Variants in SEC24B observed in about 807,000 individuals in gnomAD.
The protein encoded by SEC24B is SEC24 homolog B, COPII component.
A neutral mutation model predicts 142.8 loss-of-function variants in SEC24B; 45 were observed. The observed-to-expected ratio is 0.32, with a 90% CI of 0.25 to 0.40. The LOEUF (loss-of-function observed/expected upper bound fraction) is 0.40, where lower values mean the gene tolerates loss of function less well. SEC24B is among the 10% of genes least tolerant of loss of function. The pLI is 1.00. For missense variants in SEC24B, 1,409 were observed against 1,526.8 expected, an observed-to-expected ratio of 0.92 and a Z score of 1.29; for synonymous variants, 574 against 568.2, an observed-to-expected ratio of 1.01 and a Z score of -0.15.
chr4:109,477,300 C>A (rs1409852344), intron 3 of SEC24B, among the ~76,000 whole-genome samples: 1 of 151,868 alleles, frequency 6.6e-6, no homozygotes, highest in Non-Finnish European at 1.5e-5. Context: ...ATATAGCTTA[C>A]CATACTTTTT....
Position 109,524,799 on chromosome 4 carries a change from A to C in SEC24B, c.2509-19A>C. ...AGCATAAAGATTGCTAGCTCTTACT[A>C]TATGATCTGTTGACTTAGGTGGTAC... On this transcript the variant is annotated intron_variant, in intron 14 of 23. Coordinates refer to ENST00000265175, the MANE Select transcript of SEC24B (RefSeq NM_006323.5). The C allele has an allele frequency of 6.2e-7, 1 of 1,601,696 alleles. No homozygotes were observed. The highest frequency in any genetic ancestry group is 8.5e-7 in the Non-Finnish European group (1 of 1,174,714).
intron 3 of SEC24B, among the ~76,000 whole-genome samples, chr4:109,475,424 AG>A: frequency 6.6e-6 from 1 of 152,308 alleles, no homozygotes; most frequent in South Asian, 2.1e-4. Flanking sequence ...ACTTAAAAAG[AG>A]ATTAGCTTTT....
At chr4:109,523,073 C>G (rs1381759552) in intron 14 of SEC24B, among the ~76,000 whole-genome samples, 1 of 151,996 alleles carries the variant, frequency 6.6e-6, no homozygotes, top group Non-Finnish European at 1.5e-5. Flanking sequence ...TGTGGTAGCA[C>G]CTGCCTGTTA....
At chr4:109,535,788 C>T (rs1425991304) in intron 22 of SEC24B, among the ~76,000 whole-genome samples, 1 of 151,982 alleles carries the variant, frequency 6.6e-6, no homozygotes, top group East Asian at 1.9e-4. Flanking sequence ...GGAGGCGGAG[C>T]TTGCAGTGAG....
intron 14 of SEC24B, among the ~76,000 whole-genome samples, chr4:109,521,952 C>G (rs950505654): frequency 1.3e-5 from 2 of 151,836 alleles, no homozygotes; most frequent in Non-Finnish European, 2.9e-5. Context: ...AGGCTGGTCT[C>G]GAACTCCTGG....
intron 4 of SEC24B, among the ~76,000 whole-genome samples, chr4:109,483,003 C>CACACACACACATATACACACACACAT (rs1408633373): frequency 8.3e-5 from 7 of 84,080 alleles, no homozygotes; most frequent in African/African-American, 5.7e-4. Flanking sequence ...CACACACACA[C>CACACACACACATATACACACACACAT]ATATTATACA....
chr4:109,469,386 T>C (rs1467964198), intron 2 of SEC24B, among the ~76,000 whole-genome samples: 1 of 152,166 alleles, frequency 6.6e-6, no homozygotes, highest in Admixed American at 6.5e-5. Context: ...TGTTGGGAGA[T>C]AAAATAGTGA....
chr4:109,512,425 A>G (rs1341799989), intron 9 of SEC24B, among the ~76,000 whole-genome samples: 3 of 152,174 alleles, frequency 2.0e-5, no homozygotes, highest in Admixed American at 6.5e-5. Flanking sequence ...GAACTTTGCC[A>G]GTGTATCTGG....
chr4:109,508,524 A>T (rs1736964901), intron 7 of SEC24B, among the ~76,000 whole-genome samples: 1 of 152,102 alleles, frequency 6.6e-6, no homozygotes, highest in African/African-American at 2.4e-5. Context: ...CCAAGATCAT[A>T]ACACTGTACT....
At chr4:109,449,269 G>T in intron 1 of SEC24B, 1 of 310,690 alleles carries the variant, frequency 3.2e-6, no homozygotes, top group Non-Finnish European at 6.4e-6. Flanking sequence ...TGTCACCTGG[G>T]TTGGAGTATA....
At chr4:109,524,793 C>T (rs772005542) in intron 14 of SEC24B, 25 bp from the exon 15 acceptor site, 11 of 1,590,448 alleles carry the variant, frequency 6.9e-6, no homozygotes, top group Non-Finnish European at 9.4e-6. Flanking sequence ...ATTGCTAGCT[C>T]TTACTATATG....
intron 16 of SEC24B, 36 bp downstream of exon 16, chr4:109,525,540 A>C: frequency 6.9e-7 from 1 of 1,443,922 alleles, no homozygotes; most frequent in Non-Finnish European, 9.4e-7. Context: ...TATATTAAAT[A>C]CTTGTATCAA....
chr4:109,487,601 A>G (rs1432544221), intron 4 of SEC24B, among the ~76,000 whole-genome samples: 2 of 152,236 alleles, frequency 1.3e-5, no homozygotes, highest in Non-Finnish European at 2.9e-5. Context: ...TCAATCAGGT[A>G]CTGTTTTATA....
At chr4:109,501,873 G>T (rs1178621864) in intron 6 of SEC24B, among the ~76,000 whole-genome samples, 1 of 152,248 alleles carries the variant, frequency 6.6e-6, no homozygotes, top group Non-Finnish European at 1.5e-5. Flanking sequence ...ACGAGAGGAG[G>T]CTCAGTGAAC....
At chr4:109,452,482 T>A (rs1730209297) in intron 1 of SEC24B, among the ~76,000 whole-genome samples, 1 of 152,204 alleles carries the variant, frequency 6.6e-6, no homozygotes. Flanking sequence ...ATACTTAAGT[T>A]TATAACAAAT....
chr4:109,534,549 T>G (rs1440167638), intron 22 of SEC24B, among the ~76,000 whole-genome samples: 8 of 151,762 alleles, frequency 5.3e-5, no homozygotes, highest in Admixed American at 1.3e-4. Context: ...ATCGTGCCAC[T>G]GCACTCCAGC....
In SEC24B at chr4:109,520,363, T is replaced by C. The variant is rs1374884703; in HGVS notation, c.2127-3T>C. 1 of 1,559,382 alleles carries C rather than the reference T, an allele frequency of 6.4e-7. No individual in the cohort carries two copies. The highest frequency in any genetic ancestry group is 1.8e-5 in the Admixed American group (1 of 56,472). The stretch of plus-strand genomic sequence containing the variant: ...AATTTAAAATTGTCATTTTTATCTT[T>C]AGGCTTCCTGGAGATTCACGAACAA... On this transcript the variant is annotated splice_polypyrimidine_tract_variant and splice_region_variant and intron_variant, in intron 11 of 23. Coordinates refer to ENST00000265175, the MANE Select transcript of SEC24B (RefSeq NM_006323.5).
chr4:109,475,743 C>G (rs1733044922), intron 3 of SEC24B, among the ~76,000 whole-genome samples: 1 of 152,058 alleles, frequency 6.6e-6, no homozygotes, highest in African/African-American at 2.4e-5. Flanking sequence ...ACAAATACCC[C>G]TTCTTTAACA....
chr4:109,473,490 GTTA>G (rs967090533), intron 3 of SEC24B, among the ~76,000 whole-genome samples: 2 of 122,496 alleles, frequency 1.6e-5, no homozygotes, highest in Non-Finnish European at 3.7e-5. Context: ...TTTTTTAAAG[GTTA>G]TTATAGTTTC....
Sources: allele counts gnomAD v4.1 joint callset (sites outside exome capture counted in the v4.1 genomes callset), GRCh38; gene constraint gnomAD v4.1.1; transcripts MANE v1.5; gene names NCBI Gene and HGNC (gene_info 2026-07-23, HGNC 2026-07-21).